MEIKIN: variants seen among roughly 807,000 people sequenced by gnomAD.
MEIKIN encodes the protein meiotic kinetochore factor.
intron 11 of MEIKIN, among the ~76,000 whole-genome samples, chr5:131,820,172 A>G (rs547231003): frequency 1.9e-3 from 283 of 150,700 alleles, no homozygotes; most frequent in Non-Finnish European, 2.6e-3. Context: ...CCCAGGTCCA[A>G]GTGATTCTCC....
intron 9 of MEIKIN, among the ~76,000 whole-genome samples, chr5:131,859,294 G>A (rs1295098779): frequency 1.3e-5 from 2 of 152,190 alleles, no homozygotes; most frequent in Admixed American, 1.3e-4. Flanking sequence ...TCCATTTTGA[G>A]TTGATTTTGG....
chr5:131,938,076 A>G (rs932269375), intron 4 of MEIKIN, among the ~76,000 whole-genome samples: 1 of 151,584 alleles, frequency 6.6e-6, no homozygotes, highest in African/African-American at 2.4e-5. Context: ...TGTTAGAATC[A>G]TTGGACTCAT....
intron 9 of MEIKIN, among the ~76,000 whole-genome samples, chr5:131,864,299 C>G (rs1287467962): frequency 6.6e-6 from 1 of 152,024 alleles, no homozygotes; most frequent in East Asian, 1.9e-4. Flanking sequence ...TCATTTGAGT[C>G]CTTTCTCCTC....
At chr5:131,863,805 T>C (rs971051886) in intron 9 of MEIKIN, among the ~76,000 whole-genome samples, 1 of 152,064 alleles carries the variant, frequency 6.6e-6, no homozygotes, top group Non-Finnish European at 1.5e-5. Context: ...GTTCTTGTGA[T>C]AGTGAATACG....
At chr5:131,898,353 T>TTA in intron 8 of MEIKIN, among the ~76,000 whole-genome samples, 1 of 152,164 alleles carries the variant, frequency 6.6e-6, no homozygotes, top group African/African-American at 2.4e-5. Context: ...TACTAGAAGG[T>TTA]GTCTCCCAGT....
chr5:131,920,372 C>G (rs1751484097), intron 6 of MEIKIN, among the ~76,000 whole-genome samples: 1 of 152,004 alleles, frequency 6.6e-6, no homozygotes. Context: ...GGACAAACAC[C>G]ACAGTAATAA....
intron 5 of MEIKIN, among the ~76,000 whole-genome samples, chr5:131,929,018 G>C (rs569072002): frequency 6.6e-6 from 1 of 152,268 alleles, no homozygotes; most frequent in Admixed American, 6.5e-5. Context: ...CTCTGCTTTT[G>C]TTTGTCTGGG....
chr5:131,862,850 C>T (rs1208904302), intron 9 of MEIKIN, among the ~76,000 whole-genome samples: 2 of 152,124 alleles, frequency 1.3e-5, no homozygotes, highest in Non-Finnish European at 2.9e-5. Context: ...ACATGCACCA[C>T]CATGCCTGAC....
At chr5:131,894,213 G>T (rs1355101552) in intron 8 of MEIKIN, among the ~76,000 whole-genome samples, 4 of 152,136 alleles carry the variant, frequency 2.6e-5, no homozygotes, top group African/African-American at 9.7e-5. Flanking sequence ...GGTTGTAGAT[G>T]TGTGGTGTTA....
intron 8 of MEIKIN, among the ~76,000 whole-genome samples, chr5:131,894,233 C>G (rs1043805310): frequency 1.3e-5 from 2 of 152,016 alleles, no homozygotes; most frequent in African/African-American, 2.4e-5. Context: ...ATTTCTGAGG[C>G]CTCTGTTCTG....
intron 6 of MEIKIN, among the ~76,000 whole-genome samples, chr5:131,919,977 T>A (rs1054298994): frequency 1.2e-4 from 18 of 152,172 alleles, no homozygotes; most frequent in Non-Finnish European, 2.5e-4. Flanking sequence ...ATATTACAAG[T>A]GAATAACTTC....
chr5:131,875,906 A>G lies in MEIKIN; in HGVS notation c.774+3072T>C, dbSNP rs543328942. Among the ~76,000 whole-genome samples, 4 of 152,340 alleles carry G rather than the reference A, an allele frequency of 2.6e-5. No homozygotes were observed. In the South Asian group the frequency reaches 6.2e-4, roughly 24 times the overall value. ...ACAAGCAATGGGGAAAGGATTCGCT[A>G]TTTAATAAATGGTGCTGGGAAAACT... On this transcript the variant is annotated intron_variant, in intron 9 of 12. Coordinates refer to ENST00000442687, the MANE Select transcript of MEIKIN (RefSeq NM_001303622.2).
chr5:131,917,939 T>G (rs1328951378), intron 6 of MEIKIN, among the ~76,000 whole-genome samples: 1 of 152,164 alleles, frequency 6.6e-6, no homozygotes, highest in African/African-American at 2.4e-5. Context: ...TCACCTCATT[T>G]TTTTTCCCCC....
chr5:131,822,205 G>T (rs978108473), intron 11 of MEIKIN, among the ~76,000 whole-genome samples: 1 of 152,132 alleles, frequency 6.6e-6, no homozygotes, highest in Non-Finnish European at 1.5e-5. Flanking sequence ...GTAGGCAACA[G>T]ATCATTGGGT....
chr5:131,918,523 C>T (rs1193894570), intron 6 of MEIKIN, among the ~76,000 whole-genome samples: 1 of 152,166 alleles, frequency 6.6e-6, no homozygotes, highest in African/African-American at 2.4e-5. Flanking sequence ...CAATAAAGGA[C>T]CCCTAACTCA....
chr5:131,929,736 T>A (rs923610034), intron 5 of MEIKIN, among the ~76,000 whole-genome samples: 1 of 152,198 alleles, frequency 6.6e-6, no homozygotes, highest in African/African-American at 2.4e-5. Flanking sequence ...CTTCTTTGTG[T>A]CCATGTGTAC....
chr5:131,874,937 T>G (rs954891496), intron 9 of MEIKIN, among the ~76,000 whole-genome samples: 1 of 152,160 alleles, frequency 6.6e-6, no homozygotes, highest in African/African-American at 2.4e-5. Flanking sequence ...TCAACAAAAT[T>G]CAACAACACT....
intron 12 of MEIKIN, among the ~76,000 whole-genome samples, chr5:131,811,250 G>T (rs1772946641): frequency 6.6e-6 from 1 of 151,936 alleles, no homozygotes; most frequent in African/African-American, 2.4e-5. Context: ...CTTAAGTCCA[G>T]AATTTTAACA....
At chr5:131,905,094 C>T (rs186491427) in intron 8 of MEIKIN, among the ~76,000 whole-genome samples, 42 of 151,996 alleles carry the variant, frequency 2.8e-4, no homozygotes, top group African/African-American at 9.7e-5. Context: ...CAAACCTGCA[C>T]GTTCTGCACA....
Sources: gnomAD v4.1 joint callset for allele counts (sites outside exome capture counted in the v4.1 genomes callset) on GRCh38, gnomAD v4.1.1 for gene constraint, MANE v1.5 for transcripts, NCBI Gene and HGNC (gene_info 2026-07-23, HGNC 2026-07-21) for gene names.